The following CBX2 variants were observed in gnomAD, a reference collection of about 807,000 sequenced individuals.
The protein encoded by CBX2 is chromobox protein homolog 2.
Under a neutral mutation model 21.0 loss-of-function variants are expected in CBX2, and 11 were observed. That is an observed-to-expected ratio of 0.52 (90% CI 0.33 to 0.87). CBX2 has a LOEUF of 0.87. CBX2 is among the 40% of genes least tolerant of loss of function. CBX2 has a pLI of 0.02. For missense variants in CBX2, 746 were observed against 724.3 expected, an observed-to-expected ratio of 1.03 and a Z score of -0.34; for synonymous variants, 364 against 304.6, an observed-to-expected ratio of 1.19 and a Z score of -2.03.
intron 4 of CBX2, chr17:79,782,241 T>C: frequency 6.3e-7 from 1 of 1,583,080 alleles, no homozygotes; most frequent in African/African-American, 1.3e-5. Flanking sequence ...TAAATCGAGG[T>C]GGCCACGAAA....
chr17:79,778,258 G>A lies in CBX2; in HGVS notation c.23G>A (p.Gly8Asp), dbSNP rs1262775667. 4.0e-6 allele frequency: 6 copies of A among 1,517,076 alleles called. No homozygotes were observed. Among genetic ancestry groups the A allele is most frequent in the Non-Finnish European group, 5.3e-6 (6 of 1,138,150 alleles). 94.0% of individuals were successfully genotyped at this position (1,517,076 alleles called of 1,614,324 possible). A position where few individuals can be genotyped will look rare whatever the true frequency, so the allele number is the denominator to read the frequency against. ...AGCATGGAGGAGCTGAGCAGCGTGG[G>A]CGAGCAGGTCTTCGCCGCCGAGTGC... is the stretch of plus-strand genomic sequence containing the variant. MEELSSV[G>D]EQVFAAECIL... Residue 8 changes from glycine (G) to aspartate (D), a missense_variant, in exon 1 of 5, where the codon GGC (glycine) becomes GAC (aspartate). Transcript: ENST00000310942. This position sits in a 1 kb window ranked among gnomAD's most constrained non-coding sequence, Gnocchi z 4.8.
In CBX2 at chr17:79,785,280, C is replaced by A; in HGVS notation, c.*238C>A. On this transcript the variant is annotated 3_prime_UTR_variant, in exon 5 of 5. Transcript: ENST00000310942. ...CCACCTTGTTCCTACCTCTGCAGGC[C>A]TCTTTGCTCTCCCCTCTTGCCTCAG... 3 of 585,454 alleles carry A rather than the reference C, an allele frequency of 5.1e-6. No homozygotes were observed. The highest frequency in any genetic ancestry group is 6.1e-6 in the Non-Finnish European group (2 of 327,366). 36.3% of individuals were successfully genotyped at this position (585,454 alleles called of 1,614,324 possible). A position where few individuals can be genotyped will look rare whatever the true frequency, so the allele number is the denominator to read the frequency against.
At position 79,784,350 on chromosome 17, in the gene CBX2, C is replaced by T; in HGVS notation, c.907C>T (p.Pro303Ser). ...GCAGAAAGGGGAGCTGGGAATGAGCCCTCCAGGAAGCAAAATCCCGAAGGC... is the reference window on the plus strand; with the variant it reads ...GCAGAAAGGGGAGCTGGGAATGAGCTCTCCAGGAAGCAAAATCCCGAAGGC... ...RTQKGELGMS[P>S]PGSKIPKAPS... Residue 303 changes from proline (P) to serine (S), a missense_variant, in exon 5 of 5, where the codon CCT becomes TCT. Pro to Ser is a moderately conservative substitution (Grantham distance 74). Transcript: ENST00000310942. This position sits in a 1 kb window ranked among gnomAD's most constrained non-coding sequence, Gnocchi z 5.9. 6.2e-7 allele frequency: 1 copy of T among 1,613,162 alleles called. No homozygotes were observed. The highest frequency in any genetic ancestry group is 8.5e-7 in the Non-Finnish European group (1 of 1,179,908).
chr17:79,777,537 G>A (rs1906805859), upstream of CBX2, among the ~76,000 whole-genome samples: 2 of 152,154 alleles, frequency 1.3e-5, no homozygotes, highest in South Asian at 4.1e-4. Flanking sequence ...TCTCGCCTTT[G>A]GGGGAAAAAG....
At position 79,787,455 on chromosome 17, in the gene CBX2, C is replaced by T. The variant is rs782242811; in HGVS notation, c.*2413C>T. On this transcript the variant is annotated 3_prime_UTR_variant, in exon 5 of 5. Transcript: ENST00000310942. Reference sequence around the variant, plus strand: ...CCTTCTTACTGTGTTGTGTGTTTTTCCTGGTGCTTCAAGAGCGTGTGCAGG... The same window carrying T: ...CCTTCTTACTGTGTTGTGTGTTTTTTCTGGTGCTTCAAGAGCGTGTGCAGG... The T allele has an allele frequency of 1.3e-5, 2 of 152,706 alleles. No homozygotes were observed. The highest frequency in any genetic ancestry group is 2.1e-4 in the South Asian group (1 of 4,838). The allele number at this position is 152,706 out of a possible 1,614,324, so 9.5% of individuals were successfully genotyped here. A position where few individuals can be genotyped will look rare whatever the true frequency, so the allele number is the denominator to read the frequency against.
intron 3 of CBX2, chr17:79,779,801 TTGCCACAGTGACGCAGGTC>T (rs1568499302): frequency 1.3e-5 from 4 of 314,080 alleles, no homozygotes; most frequent in Non-Finnish European, 6.3e-6. Context: ...GAGAGCAGGT[TTGCCACAGTGACGCAGGTC>T]TGCCCTTCCA....
chr17:79,779,648 G>A, intron 3 of CBX2: 1 of 587,486 alleles, frequency 1.7e-6, no homozygotes, highest in South Asian at 2.0e-5. Flanking sequence ...TCCCTGAGAA[G>A]AACCTAAGTA....
chr17:79,782,004 C>A (rs782704943), intron 4 of CBX2: 1 of 1,614,100 alleles, frequency 6.2e-7, no homozygotes, highest in Admixed American at 1.7e-5. Flanking sequence ...GAGAGTTCCT[C>A]CCCGCCCCTC....
Position 79,784,626 on chromosome 17 carries a change from G to C in CBX2, c.1183G>C (p.Gly395Arg). 1 of 1,612,574 alleles carries C rather than the reference G, an allele frequency of 6.2e-7. No individual in the cohort carries two copies. ...NPAPGKGTGS[G>R]LIGASGATMP... ...AGCCCCTGGGAAGGGCACTGGGAGT[G>C]GCCTCATTGGGGCCAGCGGGGCCAC... Residue 395 changes from glycine (G) to arginine (R), a missense_variant, in exon 5 of 5, where the codon GGC becomes CGC. Physicochemically the swap from Gly to Arg is moderately radical, Grantham distance 125. Around this residue, in one of 2 missense-constraint regions of CBX2, gnomAD observed 701 missense variants for 650.7 expected, o/e 1.08. Coordinates refer to ENST00000310942, the MANE Select transcript of CBX2 (RefSeq NM_005189.3). The surrounding 1 kb of genome is among the most constrained non-coding windows in gnomAD (Gnocchi z 5.9).
Position 79,785,144 on chromosome 17 carries a change from G to C in CBX2, c.*102G>C. The C allele has an allele frequency of 9.7e-7, 1 of 1,034,264 alleles. No individual in the cohort carries two copies. 64.1% of individuals were successfully genotyped at this position (1,034,264 alleles called of 1,614,324 possible). On this transcript the variant is annotated 3_prime_UTR_variant, in exon 5 of 5. Coordinates refer to ENST00000310942, the MANE Select transcript of CBX2 (RefSeq NM_005189.3). ...CCAAGCCCCCTCAAGAGTCTGGGTC[G>C]GGGGAGGAGGAGTGGGTGGCCTCCT...
chr17:79,778,450 C>G lies in CBX2; in HGVS notation c.116+23C>G. ...CAAGTGAGTCCCCCGCGACGCCGCG[C>G]CCCCCTCCCGCCCCCTCGCCCGGGG... On this transcript the variant is annotated intron_variant, in intron 2 of 4. Coordinates refer to ENST00000310942, the MANE Select transcript of CBX2 (RefSeq NM_005189.3). This position sits in a 1 kb window ranked among gnomAD's most constrained non-coding sequence, Gnocchi z 4.8. 6.7e-7 allele frequency: 1 copy of G among 1,486,154 alleles called. No individual in the cohort carries two copies. Among genetic ancestry groups the G allele is most frequent in the Non-Finnish European group, 9.0e-7 (1 of 1,110,450 alleles). 92.1% of individuals were successfully genotyped at this position (1,486,154 alleles called of 1,614,324 possible).
chr17:79,783,473 A>C (rs1907387785), intron 4 of CBX2, among the ~76,000 whole-genome samples: 1 of 150,606 alleles, frequency 6.6e-6, no homozygotes, highest in Non-Finnish European at 1.5e-5. Context: ...TCAGTGGCAC[A>C]ATCTTGGCTC....
chr17:79,779,521 G>A, intron 3 of CBX2, 94 bp downstream of exon 3: 1 of 1,165,642 alleles, frequency 8.6e-7, no homozygotes, highest in Non-Finnish European at 1.3e-6. Flanking sequence ...GGAGGCTGGA[G>A]CTGGGGCTGT....
Position 79,787,712 on chromosome 17 carries a change from T to G in CBX2, c.*2670T>G, listed in dbSNP as rs1262919308. On this transcript the variant is annotated 3_prime_UTR_variant, in exon 5 of 5. Coordinates refer to ENST00000310942, the MANE Select transcript of CBX2 (RefSeq NM_005189.3). The stretch of plus-strand genomic sequence containing the variant: ...GTGAAATGGTGTGTTAACCGCGTTT[T>G]GTTTGCTCCTGTATTGAATAGGAAG... 6.6e-6 allele frequency: 1 copy of G among 152,276 alleles called. No homozygotes were observed. Among genetic ancestry groups the G allele is most frequent in the East Asian group, 1.9e-4 (1 of 5,206 alleles). 9.4% of individuals were successfully genotyped at this position (152,276 alleles called of 1,614,324 possible).
Position 79,782,271 on chromosome 17 carries a change from C to G in CBX2, c.288+470C>G, listed in dbSNP as rs1045727027. The G allele has an allele frequency of 1.5e-5, 23 of 1,546,026 alleles. No individual in the cohort carries two copies. The African/African-American group carries it at 2.3e-4, about 16-fold the overall frequency. On this transcript the variant is annotated intron_variant, in intron 4 of 4. Transcript: ENST00000310942. ...ACGAAAGGCAGGGCTGACTGAATAG[C>G]CAGGGGGTGCCAGGAGGGGCCTTGG...
intron 3 of CBX2, 22 bp from the exon 4 acceptor site, chr17:79,781,674 T>C (rs782769415): frequency 2.3e-5 from 36 of 1,597,564 alleles, no homozygotes; most frequent in Non-Finnish European, 2.7e-5. Flanking sequence ...TTCTCCCCCA[T>C]TAACTAGTGG....
chr17:79,781,180 A>G lies in CBX2; in HGVS notation c.183-516A>G, dbSNP rs1907167651. On this transcript the variant is annotated intron_variant, in intron 3 of 4. Transcript: ENST00000310942. ...AGAGAGGTATTTTTAAAAAGGAAAC[A>G]AGGAGAGTCATGTGCCAGCAGCCAG... Among the ~76,000 whole-genome samples, 4 of 152,070 alleles carry G rather than the reference A, an allele frequency of 2.6e-5. No homozygotes were observed. In the South Asian group the frequency reaches 8.3e-4, roughly 32 times the overall value.
intron 3 of CBX2, among the ~76,000 whole-genome samples, chr17:79,780,844 T>G (rs1278334474): frequency 1.3e-5 from 2 of 152,082 alleles, no homozygotes; most frequent in Non-Finnish European, 2.9e-5. Flanking sequence ...TCATTGTCCT[T>G]TTAGGAGATT....
At position 79,784,788 on chromosome 17, in the gene CBX2, G is replaced by A. The variant is rs1555831364; in HGVS notation, c.1345G>A (p.Ala449Thr). The A allele has an allele frequency of 6.2e-7, 1 of 1,610,462 alleles. No homozygotes were observed. Among genetic ancestry groups the A allele is most frequent in the Non-Finnish European group, 8.5e-7 (1 of 1,178,722 alleles). The change falls in exon 5 of 5, where the codon GCC (alanine) becomes ACC (threonine). Residue 449 changes from alanine (A) to threonine (T), a missense_variant. Around this residue, in one of 2 missense-constraint regions of CBX2, gnomAD observed 701 missense variants for 650.7 expected, o/e 1.08. Coordinates refer to ENST00000310942, the MANE Select transcript of CBX2 (RefSeq NM_005189.3). The surrounding 1 kb of genome is among the most constrained non-coding windows in gnomAD (Gnocchi z 5.9). ...GQESRTAPGE[A>T]RKAATLPEMS... Reference sequence around the variant, plus strand: ...GGAGAGCCGCACAGCCCCCGGAGAAGCCCGCAAGGCGGCCACACTGCCAGA... The same window carrying A: ...GGAGAGCCGCACAGCCCCCGGAGAAACCCGCAAGGCGGCCACACTGCCAGA...
Sources: allele counts gnomAD v4.1 joint callset (sites outside exome capture counted in the v4.1 genomes callset), GRCh38; gene constraint gnomAD v4.1.1; regional missense constraint gnomAD v4.1.1; non-coding constraint Gnocchi (gnomAD v3.1); transcripts MANE v1.5; gene names NCBI Gene and HGNC (gene_info 2026-07-23, HGNC 2026-07-21).